Variants in PTPRA observed in about 807,000 individuals in gnomAD.
PTPRA encodes receptor-type tyrosine-protein phosphatase alpha.
A neutral mutation model predicts 104.8 loss-of-function variants in PTPRA; 25 were observed. The ratio of observed to expected loss-of-function variants is 0.24; its 90% CI spans 0.17 to 0.33. The LOEUF (loss-of-function observed/expected upper bound fraction) is 0.33. Among genes scored for constraint, PTPRA ranks in the 10% least tolerant of loss-of-function variants. The pLI is 1.00. For missense variants in PTPRA, 765 were observed against 1,015.3 expected (o/e 0.75, Z 3.35); for synonymous variants, 323 against 368.9 (o/e 0.88, Z 1.43).
At chr20:2,894,813 C>T (rs191807635) in intron 1 of PTPRA, among the ~76,000 whole-genome samples, 78 of 151,900 alleles carry the variant, frequency 5.1e-4, no homozygotes, top group African/African-American at 1.5e-3. Flanking sequence ...GGTGAAACCC[C>T]GTCTCTACTA....
chr20:3,005,281 G>A, intron 10 of PTPRA, 135 bp downstream of exon 10: 1 of 819,554 alleles, frequency 1.2e-6, no homozygotes, highest in Non-Finnish European at 2.0e-6. Context: ...GTACTCAGTG[G>A]CTCATACCTG....
At chr20:2,929,547 G>A (rs1429650675) in intron 2 of PTPRA, among the ~76,000 whole-genome samples, 2 of 152,052 alleles carry the variant, frequency 1.3e-5, no homozygotes, top group Non-Finnish European at 2.9e-5. Context: ...TTTAAAGACC[G>A]GGCATGGTAG....
intron 3 of PTPRA, among the ~76,000 whole-genome samples, chr20:2,948,947 G>A (rs572731729): frequency 4.2e-4 from 63 of 151,384 alleles, no homozygotes; most frequent in Middle Eastern, 3.4e-3. Context: ...GCGAGACTCC[G>A]TCTCAAAAAA....
At chr20:3,018,064 G>A (rs1253909171) in intron 13 of PTPRA, 151 bp downstream of exon 13, 4 of 675,484 alleles carry the variant, frequency 5.9e-6, no homozygotes, top group Non-Finnish European at 1.0e-5. Context: ...GCTATGGCCT[G>A]GAAGCCCCAG....
chr20:2,917,649 A>G (rs2059951985), intron 1 of PTPRA, among the ~76,000 whole-genome samples: 1 of 152,146 alleles, frequency 6.6e-6, no homozygotes, highest in Non-Finnish European at 1.5e-5. Context: ...GAGTTTTAAT[A>G]ATTTTCTAGA....
chr20:3,024,594 C>G lies in PTPRA; in HGVS notation c.1587C>G (p.Ser529Arg). Residue 529 changes from serine to arginine, a missense_variant, in exon 17 of 24, where the codon AGC (serine) becomes AGG (arginine). Ser to Arg is a moderately radical substitution (Grantham distance 110, BLOSUM62 -1). This residue lies in a region of PTPRA where 192 missense variants were observed against 227.0 expected (regional missense o/e 0.85). Coordinates refer to ENST00000399903, the MANE Select transcript of PTPRA (RefSeq NM_001385305.1). The part of the protein sequence containing the change: ...QKIYNKIPGT[S>R]NNGLEEEFKK... Reference sequence around the variant, plus strand: ...TTTACAACAAAATCCCAGGGACCAGCAACAATGGATTAGAGGAGGAGTTTA... The same window carrying G: ...TTTACAACAAAATCCCAGGGACCAGGAACAATGGATTAGAGGAGGAGTTTA... 1.9e-6 allele frequency: 3 copies of G among 1,614,140 alleles called. No homozygotes were observed. Among genetic ancestry groups the G allele is most frequent in the Non-Finnish European group, 2.5e-6 (3 of 1,180,022 alleles).
chr20:2,999,049 G>A (rs2063522376), intron 9 of PTPRA, among the ~76,000 whole-genome samples: 1 of 151,720 alleles, frequency 6.6e-6, no homozygotes, highest in African/African-American at 2.4e-5. Context: ...AGATACAGAA[G>A]CAGCATAAAA....
At chr20:2,948,905 T>C (rs60132298) in intron 3 of PTPRA, among the ~76,000 whole-genome samples, 6,781 of 152,064 alleles carry the variant, frequency 0.045, 494 homozygotes, top group African/African-American at 0.15. Flanking sequence ...TGAGCCGAGA[T>C]TGCACCACTG....
At chr20:2,864,685 TG>T in the PTPRA span, 1 of 1,606,220 alleles carries the variant, frequency 6.2e-7, no homozygotes. This position sits in a 1 kb window ranked among gnomAD's most constrained non-coding sequence, Gnocchi z 5.2. Flanking sequence ...GTGGGGCGTG[TG>T]GGGCATGTGG....
rs527882760 is a variant in PTPRA at position 2,979,450 on chromosome 20, G to C, written c.442+4209G>C. 8.5e-5 allele frequency among the ~76,000 whole-genome samples: 13 copies of C among 152,094 alleles called. No homozygotes were observed. The South Asian group carries it at 2.7e-3, about 32-fold the overall frequency. On this transcript the variant is annotated intron_variant, in intron 6 of 23. Transcript: ENST00000399903. ...TCATCTCTTATTGCTCTGTGTTCTG[G>C]GAGCTTCCAGGACAGTTGCTCTTTC...
At chr20:3,019,646 G>T (rs1001829925) in intron 13 of PTPRA, among the ~76,000 whole-genome samples, 5 of 152,094 alleles carry the variant, frequency 3.3e-5, no homozygotes, top group African/African-American at 1.2e-4. Context: ...GCCGGGCAGA[G>T]ACGCTCCTCA....
At chr20:2,935,281 A>T (rs769037888) in intron 2 of PTPRA, among the ~76,000 whole-genome samples, 1 of 152,114 alleles carries the variant, frequency 6.6e-6, no homozygotes, top group African/African-American at 2.4e-5. Context: ...GTTTAACATA[A>T]TGTCCTCCAG....
At chr20:2,882,068 G>C (rs377298027) in intron 1 of PTPRA, among the ~76,000 whole-genome samples, 1 of 152,030 alleles carries the variant, frequency 6.6e-6, no homozygotes, top group African/African-American at 2.4e-5. Context: ...CCCCCAAAAG[G>C]CCCACTTAAA....
intron 1 of PTPRA, among the ~76,000 whole-genome samples, chr20:2,910,043 TAATATATATCATATCATATATAA>T (rs1277172372): frequency 8.1e-6 from 1 of 123,778 alleles, no homozygotes; most frequent in African/African-American, 3.2e-5. Context: ...ATATCATATA[TAATATATATCATATCATATATAA>T]TATATATGAT....
At position 2,928,125 on chromosome 20, in the gene PTPRA, GT is replaced by G. The variant is rs1600125994; in HGVS notation, c.-50+4842del. Among the ~76,000 whole-genome samples, 42 of 152,112 alleles carry G rather than the reference GT, an allele frequency of 2.8e-4. 1 individual carries two copies. The highest frequency in any genetic ancestry group is 4.3e-4 in the African/African-American group (18 of 41,518). Reference sequence around the variant, plus strand: ...CTCTTTCTGGTATCCGTTTTTTGTTGTTGTTGTTGTTGTTGTTTGTTTGTTT... The same window carrying G: ...CTCTTTCTGGTATCCGTTTTTTGTTGTGTTGTTGTTGTTGTTTGTTTGTTT... On this transcript the variant is annotated intron_variant, in intron 2 of 23. Coordinates refer to ENST00000399903, the MANE Select transcript of PTPRA (RefSeq NM_001385305.1).
chr20:2,869,761 T>G (rs111876428), upstream of PTPRA, among the ~76,000 whole-genome samples: 289 of 151,932 alleles, frequency 1.9e-3, 1 homozygote, highest in Non-Finnish European at 3.6e-3. Flanking sequence ...GGGTCAGGAG[T>G]TTGAGACCAG....
chr20:2,864,759 C>G, the PTPRA span: 5 of 1,261,206 alleles, frequency 4.0e-6, no homozygotes, highest in Non-Finnish European at 5.7e-6. The surrounding 1 kb of genome is among the most constrained non-coding windows in gnomAD (Gnocchi z 5.2). Context: ...CACACTCCAT[C>G]TGGTCCTCAC....
At chr20:2,976,422 T>G (rs1354955447) in intron 6 of PTPRA, among the ~76,000 whole-genome samples, 1 of 152,240 alleles carries the variant, frequency 6.6e-6, no homozygotes. Context: ...TTTCATAATA[T>G]TCAGCCTTTT....
rs1245304127 is a variant in PTPRA at position 2,910,578 on chromosome 20, G to GTTTTTT, written c.-128-12624_-128-12619dup. ...AGGTGTGTGCTATCATGCCCAGCTAGTTTTTTTTTTGTTTTTTTTTTGTTT... is the reference window on the plus strand; with the variant it reads ...AGGTGTGTGCTATCATGCCCAGCTAGTTTTTTTTTTTTTTTTGTTTTTTTTTTGTTT... On this transcript the variant is annotated intron_variant, in intron 1 of 23. Coordinates refer to ENST00000399903, the MANE Select transcript of PTPRA (RefSeq NM_001385305.1). 3.4e-4 allele frequency among the ~76,000 whole-genome samples: 11 copies of GTTTTTT among 32,426 alleles called. 1 individual carries two copies. The highest frequency in any genetic ancestry group is 3.2e-3 in the South Asian group (2 of 622). The allele number at this position is 32,426 out of a possible 152,430, so 21.3% of individuals were successfully genotyped here.
Sources: allele counts gnomAD v4.1 joint callset (sites outside exome capture counted in the v4.1 genomes callset), GRCh38; gene constraint gnomAD v4.1.1; regional missense constraint gnomAD v4.1.1; non-coding constraint Gnocchi (gnomAD v3.1); transcripts MANE v1.5; gene names NCBI Gene and HGNC (gene_info 2026-07-23, HGNC 2026-07-21).